Variants in ATXN10 observed in about 807,000 individuals in gnomAD.
ATXN10 encodes ataxin-10.
Under a neutral mutation model 52.9 loss-of-function variants are expected in ATXN10, and 28 were observed. The observed-to-expected ratio is 0.53, with a 90% CI of 0.39 to 0.73. The LOEUF (loss-of-function observed/expected upper bound fraction) is 0.73. ATXN10 is among the 30% of genes least tolerant of loss of function. The probability of loss-of-function intolerance (pLI) is 0.00; values close to 1 mark genes in which losing one functional copy is unlikely to be tolerated. For missense variants in ATXN10, 565 were observed against 577.0 expected (o/e 0.98, Z 0.21); for synonymous variants, 226 against 221.5 (o/e 1.02, Z -0.18).
intron 7 of ATXN10, among the ~76,000 whole-genome samples, chr22:45,737,973 A>G (rs6006800): frequency 0.16 from 24,886 of 152,018 alleles, 2,197 homozygotes; most frequent in Middle Eastern, 0.19. Context: ...AATGTGAAGA[A>G]TGTTATCTTT....
Position 45,841,743 on chromosome 22 carries a change from C to G in ATXN10, c.1238-1248C>G, listed in dbSNP as rs893206028. Among the ~76,000 whole-genome samples the G allele has an allele frequency of 8.5e-5, 13 of 152,180 alleles. No individual in the cohort carries two copies. The highest frequency in any genetic ancestry group is 4.4e-5 in the Non-Finnish European group (3 of 68,038). ...AAACTGTTGGACTCATTTTCTTTCC[C>G]AAATACTACAGGAAAGAGCACCAGC... On this transcript the variant is annotated intron_variant, in intron 10 of 11. Transcript: ENST00000252934. The surrounding 1 kb of genome is among the most constrained non-coding windows in gnomAD (Gnocchi z 5.1).
At chr22:45,737,690 CTTT>C (rs544284810) in intron 7 of ATXN10, among the ~76,000 whole-genome samples, 3 of 123,230 alleles carry the variant, frequency 2.4e-5, no homozygotes, top group Non-Finnish European at 3.3e-5. Context: ...AATGTTATCT[CTTT>C]TTTTTTTTTT....
intron 7 of ATXN10, 102 bp from the exon 8 acceptor site, chr22:45,738,629 C>T (rs1925391061): frequency 3.8e-6 from 4 of 1,040,638 alleles, no homozygotes; most frequent in Non-Finnish European, 5.7e-6. Flanking sequence ...AGCACAGACT[C>T]TTTAAATTTA....
rs57404449 is a variant in ATXN10, at chr22:45,834,500, T to C, written c.1238-8491T>C. Among the ~76,000 whole-genome samples, 891 of 152,308 alleles carry C rather than the reference T, an allele frequency of 5.8e-3. 8 individuals carry two copies. The highest frequency in any genetic ancestry group is 0.021 in the African/African-American group (854 of 41,556). ...AGCACTGTTGTTTACTTTAGAAGTT[T>C]ATTGTCCCCAGAATGCTGCTCCCCC... On this transcript the variant is annotated intron_variant, in intron 10 of 11. Coordinates refer to ENST00000252934, the MANE Select transcript of ATXN10 (RefSeq NM_013236.4).
chr22:45,752,017 A>G (rs1336884202), intron 9 of ATXN10, among the ~76,000 whole-genome samples: 2 of 152,040 alleles, frequency 1.3e-5, no homozygotes, highest in African/African-American at 2.4e-5. Context: ...TTTCATGCCC[A>G]TCATATTCTA....
chr22:45,842,869 A>G lies in ATXN10; in HGVS notation c.1238-122A>G. The G allele has an allele frequency of 9.0e-7, 1 of 1,112,996 alleles. No homozygotes were observed. The highest frequency in any genetic ancestry group is 1.4e-6 in the Non-Finnish European group (1 of 739,640). The allele number at this position is 1,112,996 out of a possible 1,614,324, so 68.9% of individuals were successfully genotyped here. ...TATTCAGAGAATGCATCCTCAAGAA[A>G]ACTTGTGGATTGATACTGGATGTTC... On this transcript the variant is annotated intron_variant, in intron 10 of 11. Coordinates refer to ENST00000252934, the MANE Select transcript of ATXN10 (RefSeq NM_013236.4). This position sits in a 1 kb window ranked among gnomAD's most constrained non-coding sequence, Gnocchi z 4.8.
intron 5 of ATXN10, among the ~76,000 whole-genome samples, chr22:45,709,888 G>A (rs142994981): frequency 1.3e-5 from 2 of 152,204 alleles, no homozygotes; most frequent in South Asian, 2.1e-4. Flanking sequence ...GTTTGCTGAG[G>A]CCTGGAACCT....
intron 3 of ATXN10, among the ~76,000 whole-genome samples, chr22:45,698,921 G>GAGAA (rs1331175056): frequency 2.6e-5 from 4 of 152,156 alleles, no homozygotes; most frequent in African/African-American, 9.7e-5. Flanking sequence ...CTCTTTCTCT[G>GAGAA]TGAGAACTTT....
intron 1 of ATXN10, among the ~76,000 whole-genome samples, chr22:45,686,740 A>G (rs1423193907): frequency 6.6e-6 from 1 of 151,286 alleles, no homozygotes; most frequent in African/African-American, 2.4e-5. Context: ...AATCACTTGA[A>G]CCCAGGAGGT....
intron 9 of ATXN10, among the ~76,000 whole-genome samples, chr22:45,743,249 TCA>T (rs1166135624): frequency 1.3e-5 from 2 of 152,236 alleles, no homozygotes; most frequent in African/African-American, 4.8e-5. Context: ...TCTGTTTCTC[TCA>T]GTTTCTTACG....
Position 45,772,161 on chromosome 22 carries a change from C to T in ATXN10, c.1173+31623C>T, listed in dbSNP as rs183002559. 1.3e-5 allele frequency among the ~76,000 whole-genome samples: 2 copies of T among 152,218 alleles called. No homozygotes were observed. The highest frequency in any genetic ancestry group is 6.5e-5 in the Admixed American group (1 of 15,290). ...GAACTCTGTCCCTAATTCAGAATCA[C>T]AAGAATTTTCTCATAGTTTTTCTTC... On this transcript the variant is annotated intron_variant, in intron 9 of 11. Coordinates refer to ENST00000252934, the MANE Select transcript of ATXN10 (RefSeq NM_013236.4). This position sits in a 1 kb window ranked among gnomAD's most constrained non-coding sequence, Gnocchi z 4.1.
In ATXN10 at chr22:45,771,712, C is replaced by T. The variant is rs140716001; in HGVS notation, c.1173+31174C>T. On this transcript the variant is annotated intron_variant, in intron 9 of 11. Coordinates refer to ENST00000252934, the MANE Select transcript of ATXN10 (RefSeq NM_013236.4). Reference sequence around the variant, plus strand: ...GATTACAGGGGTGAGCCACTGTGCCCGGCCTGAGTCTTTGGTGACGTATCT... The same window carrying T: ...GATTACAGGGGTGAGCCACTGTGCCTGGCCTGAGTCTTTGGTGACGTATCT... Among the ~76,000 whole-genome samples the T allele has an allele frequency of 3.5e-4, 54 of 152,234 alleles. No homozygotes were observed. In the East Asian group the frequency reaches 8.9e-3, roughly 25 times the overall value.
chr22:45,718,296 C>G lies in ATXN10; in HGVS notation c.648-117C>G, dbSNP rs548734369. ...TAAGACATTTAAGATTACAGCAAAT[C>G]AAAAATTCACTGAAAAGAAATGCTT... On this transcript the variant is annotated intron_variant, in intron 5 of 11. Coordinates refer to ENST00000252934, the MANE Select transcript of ATXN10 (RefSeq NM_013236.4). The surrounding 1 kb of genome is among the most constrained non-coding windows in gnomAD (Gnocchi z 4.4). 3 of 845,162 alleles carry G rather than the reference C, an allele frequency of 3.5e-6. No homozygotes were observed. The highest frequency in any genetic ancestry group is 3.4e-5 in the African/African-American group (2 of 59,688). The allele number at this position is 845,162 out of a possible 1,614,324, so 52.4% of individuals were successfully genotyped here.
chr22:45,832,987 T>C (rs1310653731), intron 10 of ATXN10, among the ~76,000 whole-genome samples: 1 of 152,224 alleles, frequency 6.6e-6, no homozygotes, highest in East Asian at 1.9e-4. Flanking sequence ...ACCTTTCTGC[T>C]GAAGGTTGTC....
intron 9 of ATXN10, among the ~76,000 whole-genome samples, chr22:45,802,413 G>C (rs1005515248): frequency 2.0e-5 from 3 of 152,178 alleles, no homozygotes; most frequent in Admixed American, 1.3e-4. Context: ...CAGTAAACTT[G>C]GACTTTGTAA....
chr22:45,753,611 T>A (rs1307785503), intron 9 of ATXN10, among the ~76,000 whole-genome samples: 1 of 151,854 alleles, frequency 6.6e-6, no homozygotes, highest in Non-Finnish European at 1.5e-5. Context: ...TTCACTATGT[T>A]GGCCAGGCTG....
Position 45,818,451 on chromosome 22 carries a change from T to A in ATXN10, c.1237+11429T>A, listed in dbSNP as rs148057814. Among the ~76,000 whole-genome samples, 1 of 152,298 alleles carries A rather than the reference T, an allele frequency of 6.6e-6. No homozygotes were observed. Among genetic ancestry groups the A allele is most frequent in the African/African-American group, 2.4e-5 (1 of 41,570 alleles). ...TCTGGTTCTGCTTGTCTGGTTTACC[T>A]GTGTTAAAAGCAAGACTCTGCATGC... On this transcript the variant is annotated intron_variant, in intron 10 of 11. Transcript: ENST00000252934. This position sits in a 1 kb window ranked among gnomAD's most constrained non-coding sequence, Gnocchi z 4.6.
rs149007056 is a variant in ATXN10, at chr22:45,688,967, C to G, written c.117-745C>G. 1.3e-5 allele frequency among the ~76,000 whole-genome samples: 2 copies of G among 152,276 alleles called. No individual in the cohort carries two copies. The highest frequency in any genetic ancestry group is 1.3e-4 in the Admixed American group (2 of 15,296). On this transcript the variant is annotated intron_variant, in intron 1 of 11. Coordinates refer to ENST00000252934, the MANE Select transcript of ATXN10 (RefSeq NM_013236.4). The surrounding 1 kb of genome is among the most constrained non-coding windows in gnomAD (Gnocchi z 4.0). ...ATGATAGCCAGTGCAGGCAGTACTC[C>G]TGGCATGAGAGGCACGCAGAGACTG... is the stretch of plus-strand genomic sequence containing the variant.
At chr22:45,756,956 C>T (rs1185525925) in intron 9 of ATXN10, among the ~76,000 whole-genome samples, 4 of 152,092 alleles carry the variant, frequency 2.6e-5, no homozygotes, top group African/African-American at 9.7e-5. Context: ...GATTTCTCAT[C>T]GTGTGAATCC....
Sources: allele counts gnomAD v4.1 joint callset (sites outside exome capture counted in the v4.1 genomes callset), GRCh38; gene constraint gnomAD v4.1.1; non-coding constraint Gnocchi (gnomAD v3.1); transcripts MANE v1.5; gene names NCBI Gene and HGNC (gene_info 2026-07-23, HGNC 2026-07-21).